The following ERBB4 variants were observed in gnomAD, a reference collection of about 807,000 sequenced individuals.
ERBB4 encodes the protein erb-b2 receptor tyrosine kinase 4.
A neutral mutation model predicts 158.0 loss-of-function variants in ERBB4; 42 were observed. The ratio of observed to expected loss-of-function variants is 0.27; its 90% CI spans 0.21 to 0.34. The LOEUF is 0.34. Among genes scored for constraint, ERBB4 ranks in the 10% least tolerant of loss-of-function variants. ERBB4 has a pLI of 1.00. For synonymous variants in ERBB4, 583 were observed against 558.7 expected, an observed-to-expected ratio of 1.04 and a Z score of -0.61; for missense variants, 1,333 against 1,624.1, an observed-to-expected ratio of 0.82 and a Z score of 3.08.
chr2:212,295,935 G>T (rs1387902685), intron 1 of ERBB4, among the ~76,000 whole-genome samples: 1 of 151,992 alleles, frequency 6.6e-6, no homozygotes, highest in Admixed American at 6.6e-5. Context: ...ATTCATCAAA[G>T]CCATATTTCA....
At chr2:211,722,337 C>A in intron 7 of ERBB4, 56 bp downstream of exon 7, 3 of 1,406,428 alleles carry the variant, frequency 2.1e-6, no homozygotes, top group Non-Finnish European at 3.0e-6. Flanking sequence ...ACATAAAATT[C>A]TTTTGATTTC....
At chr2:211,581,475 G>A (rs559618482) in intron 19 of ERBB4, among the ~76,000 whole-genome samples, 1 of 152,200 alleles carries the variant, frequency 6.6e-6, no homozygotes, top group African/African-American at 2.4e-5. Flanking sequence ...TCAAGCCTAT[G>A]CTTACCACAC....
At chr2:211,770,567 TG>T (rs1185957536) in intron 4 of ERBB4, among the ~76,000 whole-genome samples, 1 of 152,182 alleles carries the variant, frequency 6.6e-6, no homozygotes, top group Non-Finnish European at 1.5e-5. Context: ...TTAGTGAAAA[TG>T]CTTGTTAAAA....
chr2:211,933,492 G>T lies in ERBB4; in HGVS notation c.421+13938C>A, dbSNP rs531526674. The stretch of plus-strand genomic sequence containing the variant: ...CTATTGTAGATATTTGATGACTTTA[G>T]ATTACAATTCGGTTACACATGAATT... On this transcript the variant is annotated intron_variant, in intron 3 of 27. Coordinates refer to ENST00000342788, the MANE Select transcript of ERBB4 (RefSeq NM_005235.3). Among the ~76,000 whole-genome samples, 172 of 152,016 alleles carry T rather than the reference G, an allele frequency of 1.1e-3. 1 individual carries two copies. The highest frequency in any genetic ancestry group is 3.5e-3 in the African/African-American group (146 of 41,522).
At chr2:212,333,827 C>A (rs2088300951) in intron 1 of ERBB4, among the ~76,000 whole-genome samples, 1 of 151,952 alleles carries the variant, frequency 6.6e-6, no homozygotes, top group Admixed American at 6.6e-5. Context: ...AACTACTGAT[C>A]TTGGGTTCAC....
intron 3 of ERBB4, among the ~76,000 whole-genome samples, chr2:211,919,328 T>A (rs1442752422): frequency 1.3e-5 from 2 of 152,086 alleles, no homozygotes; most frequent in Non-Finnish European, 2.9e-5. Flanking sequence ...CATCTTTACA[T>A]GTGATTTTAT....
intron 2 of ERBB4, among the ~76,000 whole-genome samples, chr2:211,977,411 A>G (rs975418326): frequency 2.0e-5 from 3 of 149,962 alleles, no homozygotes; most frequent in African/African-American, 7.4e-5. Context: ...AAACAAATCT[A>G]TTATTTTTTG....
chr2:211,518,385 G>C (rs1381692003), intron 20 of ERBB4, among the ~76,000 whole-genome samples: 1 of 73,136 alleles, frequency 1.4e-5, no homozygotes, highest in Non-Finnish European at 2.5e-5. Context: ...AAGGAATTTA[G>C]AAAAGAGTTT....
At chr2:211,711,132 TTAAAA>T (rs1166218444) in intron 9 of ERBB4, among the ~76,000 whole-genome samples, 2 of 152,094 alleles carry the variant, frequency 1.3e-5, no homozygotes, top group Admixed American at 6.6e-5. Context: ...AAGCTACCTA[TTAAAA>T]TAAACAGATA....
chr2:211,930,860 T>G (rs1054536422), intron 3 of ERBB4, among the ~76,000 whole-genome samples: 1 of 152,164 alleles, frequency 6.6e-6, no homozygotes, highest in Non-Finnish European at 1.5e-5. Flanking sequence ...ATGAAATATC[T>G]AGGCATTCAA....
chr2:211,524,481 G>C (rs2066283476), intron 20 of ERBB4, among the ~76,000 whole-genome samples: 1 of 151,348 alleles, frequency 6.6e-6, no homozygotes, highest in Non-Finnish European at 1.5e-5. Context: ...GAGTGGGTGG[G>C]AAGGTCAGGC....
At chr2:212,100,493 A>G (rs1444091725) in intron 2 of ERBB4, among the ~76,000 whole-genome samples, 1 of 152,174 alleles carries the variant, frequency 6.6e-6, no homozygotes, top group East Asian at 1.9e-4. Context: ...TTACACTCCT[A>G]CAGTGTGTCT....
At chr2:211,812,347 G>A (rs929000007) in intron 3 of ERBB4, among the ~76,000 whole-genome samples, 11 of 152,170 alleles carry the variant, frequency 7.2e-5, no homozygotes, top group African/African-American at 1.9e-4. Context: ...TATCACCAGC[G>A]GAGGCTGCGG....
chr2:212,088,869 G>T (rs2078692108), intron 2 of ERBB4, among the ~76,000 whole-genome samples: 2 of 152,076 alleles, frequency 1.3e-5, no homozygotes, highest in South Asian at 4.1e-4. Context: ...CATGTACCAG[G>T]TACGCTATTA....
intron 3 of ERBB4, among the ~76,000 whole-genome samples, chr2:211,793,654 T>G (rs58918948): frequency 0.054 from 8,189 of 151,968 alleles, 748 homozygotes; most frequent in African/African-American, 0.19. Context: ...AAAAGTAATA[T>G]AGCTCACATC....
At chr2:211,995,759 T>C (rs2082186910) in intron 2 of ERBB4, among the ~76,000 whole-genome samples, 2 of 152,172 alleles carry the variant, frequency 1.3e-5, no homozygotes, top group Admixed American at 1.3e-4. Flanking sequence ...ACCCAGTTCC[T>C]TCAGGTCTCA....
chr2:211,744,197 G>A (rs927261728), intron 5 of ERBB4, among the ~76,000 whole-genome samples: 1 of 152,098 alleles, frequency 6.6e-6, no homozygotes, highest in South Asian at 2.1e-4. Flanking sequence ...AAATGCTATG[G>A]AGGAACAATG....
chr2:212,062,396 ATTCTTTTTTTTTTTTTTTTTTTTTT>A (rs1373654481), intron 2 of ERBB4, among the ~76,000 whole-genome samples: 2 of 96,522 alleles, frequency 2.1e-5, no homozygotes, highest in Admixed American at 1.3e-4. Flanking sequence ...TCACTTGTCA[ATTCTTTTTTTTTTTTTTTTTTTTTT>A]TTTTTTTTTT....
intron 1 of ERBB4, among the ~76,000 whole-genome samples, chr2:212,159,561 C>G (rs1237126646): frequency 2.6e-5 from 4 of 151,782 alleles, no homozygotes. Flanking sequence ...ATAATGTGGA[C>G]CTCATGCTGT....
Sources: gnomAD v4.1 joint callset for allele counts (sites outside exome capture counted in the v4.1 genomes callset) on GRCh38, gnomAD v4.1.1 for gene constraint, MANE v1.5 for transcripts, NCBI Gene and HGNC (gene_info 2026-07-23, HGNC 2026-07-21) for gene names.